Variants in CELSR1 observed in about 807,000 individuals in gnomAD.
CELSR1 encodes the protein cadherin EGF LAG seven-pass G-type receptor 1.
Under a neutral mutation model 249.1 loss-of-function variants are expected in CELSR1, and 110 were observed. The ratio of observed to expected loss-of-function variants is 0.44; its 90% CI spans 0.38 to 0.52. The LOEUF (loss-of-function observed/expected upper bound fraction) is 0.52. Ranked by LOEUF, CELSR1 falls within the 20% of genes least tolerant of loss-of-function variation. The pLI is 0.00. For missense variants in CELSR1, 4,109 were observed against 4,296.4 expected (o/e 0.96, Z 1.22); for synonymous variants, 2,113 against 1,900.0 (o/e 1.11, Z -2.92).
intron 2 of CELSR1, among the ~76,000 whole-genome samples, chr22:46,462,066 G>A (rs921640275): frequency 5.3e-5 from 8 of 152,244 alleles, no homozygotes; most frequent in Non-Finnish European, 8.8e-5. Context: ...CAAACCCAAC[G>A]CAGGTGTGGG....
Position 46,535,974 on chromosome 22 carries a change from G to A in CELSR1, c.1197C>T (p.Val399=), listed in dbSNP as rs746979154. ...RYRVLGGAWD[V]FQLNESSGVV... is the part of the protein sequence containing the mutation. ...CGCCAGAGCTCTCGTTGAGCTGGAA[G>A]ACGTCCCACGCGCCCCCCAACACGC... Residue 399 remains valine (V), a synonymous_variant, in exon 1 of 35, where the codon GTC becomes GTT. Coordinates refer to ENST00000674500, the MANE Select transcript of CELSR1 (RefSeq NM_001378328.1). The A allele has an allele frequency of 2.5e-6, 4 of 1,610,408 alleles. No individual in the cohort carries two copies. Among genetic ancestry groups the A allele is most frequent in the East Asian group, 2.2e-5 (1 of 44,892 alleles).
At chr22:46,513,893 C>G (rs565946241) in intron 1 of CELSR1, among the ~76,000 whole-genome samples, 1 of 151,160 alleles carries the variant, frequency 6.6e-6, no homozygotes, top group Non-Finnish European at 1.5e-5. Context: ...CCGGGGTTCA[C>G]GCCATTCTCC....
chr22:46,405,933 G>A (rs755508448), intron 9 of CELSR1, among the ~76,000 whole-genome samples: 5 of 152,132 alleles, frequency 3.3e-5, no homozygotes, highest in Non-Finnish European at 7.4e-5. Flanking sequence ...GGCCTTCTGG[G>A]TGCCCAGTGG....
At chr22:46,530,768 C>A (rs1035998972) in intron 1 of CELSR1, among the ~76,000 whole-genome samples, 5 of 152,208 alleles carry the variant, frequency 3.3e-5, no homozygotes, top group Non-Finnish European at 2.9e-5. Context: ...AAATGAACTG[C>A]CCCCACCACG....
Position 46,527,854 on chromosome 22 carries a change from G to GGCTTGGGATT in CELSR1, c.3544+5772_3544+5773insAATCCCAAGC. ...CTCACGCCTGTAATCCCAGCATTTT[G>GGCTTGGGATT]GGAGGCTGAGGCGGGCGGATAGCCT... is the stretch of plus-strand genomic sequence containing the variant. On this transcript the variant is annotated intron_variant, in intron 1 of 34. Coordinates refer to ENST00000674500, the MANE Select transcript of CELSR1 (RefSeq NM_001378328.1). The surrounding 1 kb of genome is among the most constrained non-coding windows in gnomAD (Gnocchi z 5.5). Among the ~76,000 whole-genome samples, 1 of 152,280 alleles carries GGCTTGGGATT rather than the reference G, an allele frequency of 6.6e-6. No homozygotes were observed. The highest frequency in any genetic ancestry group is 1.5e-5 in the Non-Finnish European group (1 of 68,016).
At chr22:46,521,634 T>C (rs1032216599) in intron 1 of CELSR1, among the ~76,000 whole-genome samples, 2 of 151,846 alleles carry the variant, frequency 1.3e-5, no homozygotes, top group African/African-American at 2.4e-5. Flanking sequence ...CTGGCCAACA[T>C]GGAGAAACCC....
rs766358912 is a variant in CELSR1 at position 46,535,670 on chromosome 22, C to G, written c.1501G>C (p.Gly501Arg). The G allele has an allele frequency of 6.2e-7, 1 of 1,613,204 alleles. No homozygotes were observed. The highest frequency in any genetic ancestry group is 1.1e-5 in the South Asian group (1 of 91,086). Residue 501 changes from glycine to arginine, a missense_variant, in exon 1 of 35, where the codon GGG becomes CGG. Gly to Arg is a moderately radical substitution (Grantham distance 125). Coordinates refer to ENST00000674500, the MANE Select transcript of CELSR1 (RefSeq NM_001378328.1). The stretch of plus-strand genomic sequence containing the variant: ...AGGTAGAACTGGCCGGCCACGTTCC[C>G]GCTGAGGATGCTGTAGTGAATGGCC... ...NAAIHYSILS[G>R]NVAGQFYLHS...
At chr22:46,462,040 G>T (rs992067498) in intron 2 of CELSR1, among the ~76,000 whole-genome samples, 11 of 152,244 alleles carry the variant, frequency 7.2e-5, no homozygotes. Flanking sequence ...CTCATACCTG[G>T]AGTCGTCCCC....
In CELSR1 at chr22:46,363,887, G is replaced by A. The variant is rs1316805164; in HGVS notation, c.9035+109C>T. ...CCGCCTGGGCTTCCTCTGCACTCAG[G>A]GCTCCAGGTGAGGTGGGTGTCAGGT... On this transcript the variant is annotated intron_variant, in intron 34 of 34. Transcript: ENST00000674500. This position sits in a 1 kb window ranked among gnomAD's most constrained non-coding sequence, Gnocchi z 4.3. 4 of 1,380,114 alleles carry A rather than the reference G, an allele frequency of 2.9e-6. No homozygotes were observed. Among genetic ancestry groups the A allele is most frequent in the East Asian group, 2.6e-5 (1 of 38,818 alleles). 85.5% of individuals were successfully genotyped at this position (1,380,114 alleles called of 1,614,324 possible).
At chr22:46,404,995 T>C (rs993091183) in intron 9 of CELSR1, among the ~76,000 whole-genome samples, 2 of 151,720 alleles carry the variant, frequency 1.3e-5, no homozygotes, top group Non-Finnish European at 2.9e-5. Flanking sequence ...CAGCTAATTT[T>C]TGTATTTTTA....
At position 46,463,805 on chromosome 22, in the gene CELSR1, G is replaced by T; in HGVS notation, c.4085C>A (p.Thr1362Lys). The T allele has an allele frequency of 6.2e-7, 1 of 1,609,260 alleles. No homozygotes were observed. The change falls in exon 2 of 35, where the codon ACG becomes AAG. Residue 1362 changes from threonine (T) to lysine (K), a missense_variant. Physicochemically the swap from Thr to Lys is moderately conservative, Grantham distance 78. Transcript: ENST00000674500. ...GTCGGAGTAGCAGAGGTCGATCTCC[G>T]TCTCGCAGTAGTCGCCGGTGAAGCC... ...PPGFTGDYCE[T>K]EIDLCYSDPC...
rs770747103 is a variant in CELSR1, at chr22:46,386,408, T to C, written c.6733A>G (p.Asn2245Asp). 1 of 1,573,740 alleles carries C rather than the reference T, an allele frequency of 6.4e-7. No individual in the cohort carries two copies. The highest frequency in any genetic ancestry group is 8.6e-7 in the Non-Finnish European group (1 of 1,159,756). The stretch of plus-strand genomic sequence containing the variant: ...AACGCAGCCAGCGCCTTACTCATGT[T>C]GGCGGTGACGATGACGAAGGGCCGC... ...YLRPFVIVTA[N>D]MILAVDIFDK... Residue 2245 changes from asparagine to aspartate, a missense_variant, in exon 19 of 35, where the codon AAC (asparagine) becomes GAC (aspartate). By Grantham distance (23) the Asn-to-Asp change is conservative. This residue lies in a region of CELSR1 where 1,805 missense variants were observed against 1,831.6 expected (regional missense o/e 0.99). Coordinates refer to ENST00000674500, the MANE Select transcript of CELSR1 (RefSeq NM_001378328.1).
intron 1 of CELSR1, among the ~76,000 whole-genome samples, chr22:46,498,699 C>T (rs2080439086): frequency 6.6e-6 from 1 of 151,928 alleles, no homozygotes; most frequent in South Asian, 2.1e-4. Flanking sequence ...GACGCTTCCT[C>T]TCCTGTGGCT....
rs957012849 is a variant in CELSR1 at position 46,535,501 on chromosome 22, T to C, written c.1670A>G (p.Asp557Gly). ...AAAGATAGGCTCGTTGTCGTTGACA[T>C]CCAGCACCTGCACAGACACCACCCC... ...SSGVVSVQVL[D>G]VNDNEPIFVS... The change falls in exon 1 of 35, where the codon GAT becomes GGT. Residue 557 changes from aspartate to glycine, a missense_variant. Asp to Gly is a moderately conservative substitution (Grantham distance 94). Coordinates refer to ENST00000674500, the MANE Select transcript of CELSR1 (RefSeq NM_001378328.1). 6.2e-7 allele frequency: 1 copy of C among 1,612,656 alleles called. No individual in the cohort carries two copies. The highest frequency in any genetic ancestry group is 1.3e-5 in the African/African-American group (1 of 74,908).
chr22:46,451,997 C>G (rs1347849329), intron 2 of CELSR1, among the ~76,000 whole-genome samples: 1 of 152,178 alleles, frequency 6.6e-6, no homozygotes, highest in Non-Finnish European at 1.5e-5. Flanking sequence ...AGGCCTGCAG[C>G]CACCAGGCGC....
rs927006333 is a variant in CELSR1, at chr22:46,506,506, C to T, written c.3544+27121G>A. On this transcript the variant is annotated intron_variant, in intron 1 of 34. Transcript: ENST00000674500. This position sits in a 1 kb window ranked among gnomAD's most constrained non-coding sequence, Gnocchi z 4.1. ...CCCAACCGGCCCTGCCTCAGGTCTG[C>T]GTTCTGCCAGCCTCAGCCCCAGCCC... Among the ~76,000 whole-genome samples the T allele has an allele frequency of 1.3e-5, 2 of 152,194 alleles. No individual in the cohort carries two copies. The highest frequency in any genetic ancestry group is 4.8e-5 in the African/African-American group (2 of 41,458).
chr22:46,379,226 A>C (rs1253488493), intron 22 of CELSR1, among the ~76,000 whole-genome samples: 1 of 152,146 alleles, frequency 6.6e-6, no homozygotes, highest in African/African-American at 2.4e-5. Flanking sequence ...GTTTTATGGG[A>C]ACTGCCCAGA....
intron 33 of CELSR1, 29 bp from the exon 34 acceptor site, chr22:46,364,280 G>A (rs982698420): frequency 6.3e-7 from 1 of 1,599,554 alleles, no homozygotes; most frequent in South Asian, 1.1e-5. Flanking sequence ...GCAAGGTCAA[G>A]TCCGGGTGAT....
intron 1 of CELSR1, among the ~76,000 whole-genome samples, chr22:46,507,829 C>G (rs936309873): frequency 6.6e-6 from 1 of 151,282 alleles, no homozygotes; most frequent in Non-Finnish European, 1.5e-5. Flanking sequence ...GAACCTAACA[C>G]AGCCCAGAGT....
Sources: allele counts gnomAD v4.1 joint callset (sites outside exome capture counted in the v4.1 genomes callset), GRCh38; gene constraint gnomAD v4.1.1; regional missense constraint gnomAD v4.1.1; non-coding constraint Gnocchi (gnomAD v3.1); transcripts MANE v1.5; gene names NCBI Gene and HGNC (gene_info 2026-07-23, HGNC 2026-07-21).